The following PLXND1 variants were observed in gnomAD, a reference collection of about 807,000 sequenced individuals.
The protein encoded by PLXND1 is plexin D1.
Under a neutral mutation model 197.7 loss-of-function variants are expected in PLXND1, and 54 were observed. The ratio of observed to expected loss-of-function variants is 0.27; its 90% CI spans 0.22 to 0.34. The LOEUF is 0.34. PLXND1 is among the 10% of genes least tolerant of loss of function. The probability of loss-of-function intolerance (pLI) is 1.00; values close to 1 mark genes in which losing one functional copy is unlikely to be tolerated. For missense variants in PLXND1, 2,127 were observed against 2,699.2 expected, an observed-to-expected ratio of 0.79 and a Z score of 4.70; for synonymous variants, 1,180 against 1,161.2, an observed-to-expected ratio of 1.02 and a Z score of -0.33.
At position 129,605,659 on chromosome 3, in the gene PLXND1, G is replaced by A. The variant is rs1397305347; in HGVS notation, c.981C>T (p.Ala327=). 2.0e-6 allele frequency: 3 copies of A among 1,536,756 alleles called. No individual in the cohort carries two copies. The highest frequency in any genetic ancestry group is 2.4e-5 in the South Asian group (2 of 83,870). Residue 327 remains alanine, a synonymous_variant, in exon 1 of 36, where the codon GCC becomes GCT. Transcript: ENST00000324093. The stretch of plus-strand genomic sequence containing the variant: ...CGGTGAGCTTCTTGGCGTCGCCGCC[G>A]GCGCCGTGGGGCAGGCAGATGCGCG... ...LLARICLPHG[A]GGDAKKLTES... is the part of the protein sequence containing the mutation.
In PLXND1 at chr3:129,574,456, G is replaced by A. The variant is rs1454496124; in HGVS notation, c.2565C>T (p.Asp855=). ...CTTCGCGGCCCAGGCACTGGGAACA[G>A]TCGGGGCTGCCCATGGCACAGTTAT... ...MVYNCAMGSP[D]CSQCLGREDL... is the part of the protein sequence containing the mutation. Residue 855 remains aspartate (D), a synonymous_variant, in exon 12 of 36, where the codon GAC becomes GAT. Coordinates refer to ENST00000324093, the MANE Select transcript of PLXND1 (RefSeq NM_015103.3). The A allele has an allele frequency of 8.7e-6, 14 of 1,613,048 alleles. No individual in the cohort carries two copies. Among genetic ancestry groups the A allele is most frequent in the Non-Finnish European group, 1.2e-5 (14 of 1,179,958 alleles).
intron 15 of PLXND1, 30 bp from the exon 16 acceptor site, chr3:129,571,874 C>A (rs1161806709): frequency 6.4e-7 from 1 of 1,563,414 alleles, no homozygotes; most frequent in Non-Finnish European, 8.7e-7. Flanking sequence ...ATCAGCAGGG[C>A]CTGCCTTCTG....
intron 8 of PLXND1, among the ~76,000 whole-genome samples, chr3:129,579,827 G>A (rs1448913266): frequency 2.6e-5 from 4 of 152,164 alleles, no homozygotes; most frequent in Non-Finnish European, 5.9e-5. Flanking sequence ...AATATGAGAC[G>A]CTTCTTTATT....
Position 129,605,916 on chromosome 3 carries a change from A to C in PLXND1, c.724T>G (p.Ser242Ala), listed in dbSNP as rs780344713. The change falls in exon 1 of 36, where the codon TCC becomes GCC. Residue 242 changes from serine (S) to alanine (A), a missense_variant. Physicochemically the swap from Ser to Ala is moderately conservative, Grantham distance 99. Around this residue, in one of 6 missense-constraint regions of PLXND1, gnomAD observed 1,095 missense variants for 1,259.8 expected, o/e 0.87. Transcript: ENST00000324093. ...GCCAGGTCGCCGCGCGTGTCCAGGGAGCGGATGGCGATCTCGGGCGTGTTC... is the reference window on the plus strand; with the variant it reads ...GCCAGGTCGCCGCGCGTGTCCAGGGCGCGGATGGCGATCTCGGGCGTGTTC... Reference protein sequence around the residue: ...FENTPEIAIRSLDTRGDLAKL... With the variant: ...FENTPEIAIRALDTRGDLAKL... 6.2e-7 allele frequency: 1 copy of C among 1,613,356 alleles called. No homozygotes were observed. The highest frequency in any genetic ancestry group is 8.5e-7 in the Non-Finnish European group (1 of 1,179,840).
chr3:129,557,726 T>C lies in PLXND1; in HGVS notation c.5446-503A>G, dbSNP rs915801462. On this transcript the variant is annotated intron_variant, in intron 33 of 35. Transcript: ENST00000324093. This position sits in a 1 kb window ranked among gnomAD's most constrained non-coding sequence, Gnocchi z 4.8. Reference sequence around the variant, plus strand: ...TTCGGAGGCAGTACGTGAGTAGTAGTGGAGCGATGGCATTTTCTCCTTCCC... The same window carrying C: ...TTCGGAGGCAGTACGTGAGTAGTAGCGGAGCGATGGCATTTTCTCCTTCCC... Among the ~76,000 whole-genome samples, 1 of 152,186 alleles carries C rather than the reference T, an allele frequency of 6.6e-6. No individual in the cohort carries two copies. Among genetic ancestry groups the C allele is most frequent in the African/African-American group, 2.4e-5 (1 of 41,440 alleles).
chr3:129,560,177 C>G (rs953806524), intron 31 of PLXND1, among the ~76,000 whole-genome samples, 153 bp downstream of exon 31: 2 of 152,210 alleles, frequency 1.3e-5, no homozygotes, highest in Non-Finnish European at 2.9e-5. Flanking sequence ...AAGCCTTCAG[C>G]CTCTTGCCCC....
At position 129,574,318 on chromosome 3, in the gene PLXND1, TCCACTGGG is replaced by T. The variant is rs753942247; in HGVS notation, c.2685+10_2685+17del. 3.2e-6 allele frequency: 5 copies of T among 1,576,012 alleles called. 1 individual carries two copies. The South Asian group carries it at 5.8e-5, about 18-fold the overall frequency. ...TGCCGGAGTGCGGGTGCCACGTGCC[TCCACTGGG>T]CATGCTTACCGCGTGGATCTCGGGG... On this transcript the variant is annotated intron_variant, in intron 12 of 35. Transcript: ENST00000324093.
chr3:129,597,004 A>G (rs763444794), intron 1 of PLXND1, among the ~76,000 whole-genome samples: 9 of 152,324 alleles, frequency 5.9e-5, no homozygotes, highest in Middle Eastern at 3.4e-3. Flanking sequence ...TCTCATAGTA[A>G]CAGTTCGGTA....
At chr3:129,556,506 C>T (rs1455359604) in intron 35 of PLXND1, 78 bp from the exon 36 acceptor site, 17 of 1,351,376 alleles carry the variant, frequency 1.3e-5, no homozygotes, top group East Asian at 2.3e-5. Context: ...CACCCCTGAA[C>T]GTCTACCACG....
Position 129,606,512 on chromosome 3 carries a change from C to A in PLXND1, c.128G>T (p.Arg43Leu). 7.2e-7 allele frequency: 1 copy of A among 1,393,212 alleles called. No homozygotes were observed. Among genetic ancestry groups the A allele is most frequent in the East Asian group, 2.9e-5 (1 of 35,032 alleles). 86.3% of individuals were successfully genotyped at this position (1,393,212 alleles called of 1,614,324 possible). Reference sequence around the variant, plus strand: ...ACGCTGGATCTCCAGGGCGCCGGCCCGCGCCGCCCCCAGGAGCAGCAGCAA... The same window carrying A: ...ACGCTGGATCTCCAGGGCGCCGGCCAGCGCCGCCCCCAGGAGCAGCAGCAA... ...LLLLLLLGAA[R>L]AGALEIQRRF... The change falls in exon 1 of 36, where the codon CGG (arginine) becomes CTG (leucine). Residue 43 changes from arginine (R) to leucine (L), a missense_variant. By Grantham distance (102) the Arg-to-Leu change is moderately radical. Around this residue, in one of 6 missense-constraint regions of PLXND1, gnomAD observed 245 missense variants for 267.1 expected, o/e 0.92. Transcript: ENST00000324093.
chr3:129,591,233 C>T (rs2085536296), intron 1 of PLXND1: 1 of 152,232 alleles, frequency 6.6e-6, no homozygotes, highest in South Asian at 2.1e-4. Flanking sequence ...GGCGGGTGAC[C>T]CAGGCAAGGC....
chr3:129,574,785 C>T (rs868469852), intron 11 of PLXND1, among the ~76,000 whole-genome samples: 4 of 152,198 alleles, frequency 2.6e-5, no homozygotes, highest in Admixed American at 2.0e-4. Flanking sequence ...AAGAGGCTGA[C>T]GCTCAGACAG....
At chr3:129,575,610 G>T in intron 10 of PLXND1, 48 bp from the exon 11 acceptor site, 1 of 1,403,194 alleles carries the variant, frequency 7.1e-7, no homozygotes, top group Non-Finnish European at 9.9e-7. Context: ...AATGCCTGGG[G>T]CTCTGCTGGG....
At chr3:129,564,697 C>T (rs960244383) in intron 25 of PLXND1, among the ~76,000 whole-genome samples, 2 of 152,234 alleles carry the variant, frequency 1.3e-5, no homozygotes, top group Non-Finnish European at 2.9e-5. Context: ...CCCTGGTTAC[C>T]GGGCCCACCC....
Position 129,558,654 on chromosome 3 carries a change from T to G in PLXND1, c.5298-79A>C. 2 of 1,416,222 alleles carry G rather than the reference T, an allele frequency of 1.4e-6. No individual in the cohort carries two copies. Among genetic ancestry groups the G allele is most frequent in the Non-Finnish European group, 2.0e-6 (2 of 1,020,030 alleles). 87.7% of individuals were successfully genotyped at this position (1,416,222 alleles called of 1,614,324 possible). On this transcript the variant is annotated intron_variant, in intron 32 of 35. Transcript: ENST00000324093. This position sits in a 1 kb window ranked among gnomAD's most constrained non-coding sequence, Gnocchi z 4.1. ...GAGGGACAGTTGTGGAGGAGAGAGC[T>G]GGCTTTGTCCCTCAAGGGCCTGAGG... is the stretch of plus-strand genomic sequence containing the variant.
chr3:129,565,056 G>A (rs1001497700), intron 25 of PLXND1, among the ~76,000 whole-genome samples: 1 of 152,250 alleles, frequency 6.6e-6, no homozygotes, highest in African/African-American at 2.4e-5. Flanking sequence ...AGGGAAGGGT[G>A]GATGACTGAG....
At chr3:129,564,119 G>T (rs2085102128) in intron 25 of PLXND1, among the ~76,000 whole-genome samples, 1 of 152,224 alleles carries the variant, frequency 6.6e-6, no homozygotes, top group African/African-American at 2.4e-5. Context: ...CCACAGTGAG[G>T]CAGCCCGCAG....
intron 13 of PLXND1, 167 bp from the exon 14 acceptor site, chr3:129,573,108 G>T: frequency 1.7e-6 from 1 of 603,944 alleles, no homozygotes; most frequent in Non-Finnish European, 3.0e-6. Context: ...ACACGGGGGT[G>T]GGACAAAAGG....
At chr3:129,598,077 T>G (rs1480208612) in intron 1 of PLXND1, among the ~76,000 whole-genome samples, 1 of 152,180 alleles carries the variant, frequency 6.6e-6, no homozygotes, top group Non-Finnish European at 1.5e-5. Flanking sequence ...AAAGCCCTGC[T>G]GGCTCCCCGC....
Sources: gnomAD v4.1 joint callset for allele counts (sites outside exome capture counted in the v4.1 genomes callset) on GRCh38, gnomAD v4.1.1 for gene constraint, gnomAD v4.1.1 regional missense constraint, Gnocchi (gnomAD v3.1) non-coding constraint, MANE v1.5 for transcripts, NCBI Gene and HGNC (gene_info 2026-07-23, HGNC 2026-07-21) for gene names.